KHDC1: variants seen among roughly 807,000 people sequenced by gnomAD.
The protein encoded by KHDC1 is KH domain containing 1, also known as KH homology domain-containing protein 1.
KHDC1 carries 21 observed loss-of-function variants against 24.7 expected under a neutral mutation model. The observed-to-expected ratio is 0.85, with a 90% CI of 0.60 to 1.23. The LOEUF (loss-of-function observed/expected upper bound fraction) is 1.23. Ranked by LOEUF, KHDC1 falls within the 50% of genes most tolerant of loss-of-function variation. The pLI is 0.00. For missense variants in KHDC1, 274 were observed against 298.5 expected (o/e 0.92, Z 0.61); for synonymous variants, 98 against 111.7 (o/e 0.88, Z 0.77).
At chr6:73,246,958 A>C (rs1156840942) in intron 2 of KHDC1, among the ~76,000 whole-genome samples, 1 of 152,064 alleles carries the variant, frequency 6.6e-6, no homozygotes, top group African/African-American at 2.4e-5. Flanking sequence ...TTTTAGAAAA[A>C]AAAAAATAAG....
At chr6:73,260,560 AGTT>A (rs1412229999) in intron 2 of KHDC1, among the ~76,000 whole-genome samples, 2 of 152,366 alleles carry the variant, frequency 1.3e-5, no homozygotes, top group East Asian at 3.9e-4. Flanking sequence ...AGAATAAAAA[AGTT>A]AAATTAGAAT....
intron 2 of KHDC1, among the ~76,000 whole-genome samples, chr6:73,253,099 C>T (rs1766811153): frequency 6.6e-6 from 1 of 152,130 alleles, no homozygotes; most frequent in Non-Finnish European, 1.5e-5. Flanking sequence ...TAAAAGGCTG[C>T]AGTTTTACTA....
chr6:73,286,458 G>C (rs1194118755), intron 2 of KHDC1, among the ~76,000 whole-genome samples: 2 of 152,184 alleles, frequency 1.3e-5, no homozygotes, highest in Non-Finnish European at 1.5e-5. Context: ...ATAATGGATG[G>C]TATCACTAAC....
intron 2 of KHDC1, among the ~76,000 whole-genome samples, chr6:73,255,887 G>GT (rs1582556984): frequency 7.0e-6 from 1 of 143,152 alleles, no homozygotes; most frequent in East Asian, 2.1e-4. Context: ...GGGTGACAGA[G>GT]TGAGAACCTG....
chr6:73,277,041 T>C (rs537441908), intron 2 of KHDC1, among the ~76,000 whole-genome samples: 3 of 152,324 alleles, frequency 2.0e-5, no homozygotes, highest in African/African-American at 4.8e-5. Flanking sequence ...CAGGGAACTT[T>C]TGTAAATAAG....
At chr6:73,249,444 A>G (rs1224279606) in intron 2 of KHDC1, among the ~76,000 whole-genome samples, 2 of 152,220 alleles carry the variant, frequency 1.3e-5, no homozygotes, top group African/African-American at 4.8e-5. Flanking sequence ...ACCACATAGG[A>G]CCACAAATAC....
chr6:73,289,905 C>G (rs1767609010), intron 2 of KHDC1, among the ~76,000 whole-genome samples: 1 of 151,406 alleles, frequency 6.6e-6, no homozygotes, highest in African/African-American at 2.4e-5. Flanking sequence ...TCGAGACCAT[C>G]CTGGCTAACA....
chr6:73,251,464 A>G (rs1195108176), intron 2 of KHDC1, among the ~76,000 whole-genome samples: 1 of 152,220 alleles, frequency 6.6e-6, no homozygotes, highest in East Asian at 1.9e-4. Context: ...GGGAACCTAT[A>G]GCGAACAAAA....
chr6:73,296,316 G>A (rs1473098840), intron 1 of KHDC1, among the ~76,000 whole-genome samples: 2 of 151,208 alleles, frequency 1.3e-5, no homozygotes, highest in Non-Finnish European at 2.9e-5. Flanking sequence ...TTAGCCAGGT[G>A]TAATGGCACA....
chr6:73,309,609 G>A, exon 1 of KHDC1: 1 of 1,547,236 alleles, frequency 6.5e-7, no homozygotes, highest in Non-Finnish European at 8.7e-7. Flanking sequence ...AGCATCGCAA[G>A]GGTCTGGAGA....
At chr6:73,272,707 C>G (rs553420197) in intron 2 of KHDC1, among the ~76,000 whole-genome samples, 1 of 150,736 alleles carries the variant, frequency 6.6e-6, no homozygotes, top group African/African-American at 2.4e-5. Context: ...ACCCAGAAGG[C>G]AGAGGTTGCA....
intron 2 of KHDC1, among the ~76,000 whole-genome samples, chr6:73,243,929 C>T (rs1766620205): frequency 6.6e-6 from 1 of 152,156 alleles, no homozygotes; most frequent in South Asian, 2.1e-4. Flanking sequence ...TCTGCTAAGA[C>T]CAGAGACAAA....
chr6:73,241,944 A>C, intron 4 of KHDC1, 111 bp downstream of exon 3: 1 of 1,241,200 alleles, frequency 8.1e-7, no homozygotes, highest in South Asian at 1.5e-5. Context: ...TCTGGGAAGC[A>C]CTTGGATTCC....
At chr6:73,275,836 A>G (rs929311555) in intron 2 of KHDC1, 9 of 152,342 alleles carry the variant, frequency 5.9e-5, no homozygotes, top group African/African-American at 2.2e-4. Flanking sequence ...GGACAGCTAG[A>G]TTCTGAGGGC....
At chr6:73,254,712 G>T (rs1337033746) in intron 2 of KHDC1, among the ~76,000 whole-genome samples, 1 of 151,870 alleles carries the variant, frequency 6.6e-6, no homozygotes, top group Non-Finnish European at 1.5e-5. Context: ...TTAGAAACAG[G>T]TTTCTTATGG....
intron 2 of KHDC1, among the ~76,000 whole-genome samples, chr6:73,285,630 G>A (rs1767504514): frequency 6.6e-6 from 1 of 150,740 alleles, no homozygotes; most frequent in East Asian, 1.9e-4. Context: ...CACTGTGCCC[G>A]GCCCATTTTC....
intron 2 of KHDC1, among the ~76,000 whole-genome samples, chr6:73,263,777 G>A (rs1316278260): frequency 6.6e-6 from 1 of 152,220 alleles, no homozygotes; most frequent in East Asian, 1.9e-4. Context: ...ATTGCTTCCT[G>A]CGGATTCCAT....
chr6:73,307,974 C>T (rs1189341736), intron 1 of KHDC1, among the ~76,000 whole-genome samples: 1 of 151,864 alleles, frequency 6.6e-6, no homozygotes, highest in Admixed American at 6.6e-5. Flanking sequence ...GCAATCCCTG[C>T]TTACTGCAAC....
chr6:73,301,450 C>T (rs1443859995), intron 1 of KHDC1: 2 of 152,104 alleles, frequency 1.3e-5, no homozygotes, highest in South Asian at 2.1e-4. Flanking sequence ...GTGTCTGGAC[C>T]TTTCATAAGT....
Sources: gnomAD v4.1 joint callset for allele counts (sites outside exome capture counted in the v4.1 genomes callset) on GRCh38, gnomAD v4.1.1 for gene constraint, MANE v1.5 for transcripts, NCBI Gene and HGNC (gene_info 2026-07-23, HGNC 2026-07-21) for gene names.